The following OCA2 variants were observed in gnomAD, a reference collection of about 807,000 sequenced individuals.
OCA2 encodes OCA2 melanosomal transmembrane protein.
A neutral mutation model predicts 100.2 loss-of-function variants in OCA2; 77 were observed. That is an observed-to-expected ratio of 0.77 (90% CI 0.64 to 0.93). The LOEUF is 0.93. OCA2 is among the 40% of genes least tolerant of loss of function. The probability of loss-of-function intolerance (pLI) is 0.00; values close to 1 mark genes in which losing one functional copy is unlikely to be tolerated. For missense variants in OCA2, 1,062 were observed against 1,089.1 expected, an observed-to-expected ratio of 0.98 and a Z score of 0.35; for synonymous variants, 432 against 439.2, an observed-to-expected ratio of 0.98 and a Z score of 0.21.
chr15:28,060,525 G>A (rs1375456804), intron 2 of OCA2, among the ~76,000 whole-genome samples: 1 of 152,202 alleles, frequency 6.6e-6, no homozygotes, highest in Non-Finnish European at 1.5e-5. Flanking sequence ...ATCAAAGGAA[G>A]ACGAGGTAAC....
chr15:27,754,924 C>G lies in OCA2; in HGVS notation c.*464G>C, dbSNP rs1278420429. On this transcript the variant is annotated 3_prime_UTR_variant, in exon 24 of 24. Coordinates refer to ENST00000354638, the MANE Select transcript of OCA2 (RefSeq NM_000275.3). ...AATACATAAAATGTTTCCTTACGAG[C>G]AGTAAACCTTTTCCCAGAAAGTCTA... 2 of 201,030 alleles carry G rather than the reference C, an allele frequency of 9.9e-6. No individual in the cohort carries two copies. The highest frequency in any genetic ancestry group is 4.6e-5 in the African/African-American group (2 of 43,838). 12.5% of individuals were successfully genotyped at this position (201,030 alleles called of 1,614,324 possible).
At chr15:27,845,148 G>T in intron 22 of OCA2, 96 bp from the exon 23 acceptor site, 1 of 927,580 alleles carries the variant, frequency 1.1e-6, no homozygotes, top group South Asian at 1.4e-5. Flanking sequence ...CACAGGCTTT[G>T]ATTTGATTAT....
chr15:28,041,946 C>T (rs1435585758), intron 2 of OCA2, among the ~76,000 whole-genome samples: 2 of 152,026 alleles, frequency 1.3e-5, no homozygotes, highest in Non-Finnish European at 2.9e-5. Context: ...GAGAGGCATG[C>T]GTACACATAC....
chr15:27,877,387 T>C (rs764482106), intron 19 of OCA2, among the ~76,000 whole-genome samples: 9 of 151,954 alleles, frequency 5.9e-5, no homozygotes, highest in South Asian at 2.1e-4. Flanking sequence ...TTCCTGATTT[T>C]TTTTTGTCTA....
At chr15:27,914,937 G>C (rs1007968463) in intron 19 of OCA2, among the ~76,000 whole-genome samples, 1 of 152,098 alleles carries the variant, frequency 6.6e-6, no homozygotes, top group South Asian at 2.1e-4. Flanking sequence ...CAAAGCTGGA[G>C]GCATCACATT....
rs1595477343 is a variant in OCA2, at chr15:27,828,079, T to C, written c.2432+16880A>G. Among the ~76,000 whole-genome samples, 3 of 152,260 alleles carry C rather than the reference T, an allele frequency of 2.0e-5. No individual in the cohort carries two copies. In the East Asian group the frequency reaches 5.8e-4, roughly 29 times the overall value. Reference sequence around the variant, plus strand: ...TGGCAGAGTAGAAAATTAACTTGAGTACAGGTGAAGTGAGGTTGGAGCACC... The same window carrying C: ...TGGCAGAGTAGAAAATTAACTTGAGCACAGGTGAAGTGAGGTTGGAGCACC... On this transcript the variant is annotated intron_variant, in intron 23 of 23. Transcript: ENST00000354638.
At chr15:27,888,759 T>C (rs1272896827) in intron 19 of OCA2, among the ~76,000 whole-genome samples, 2 of 152,194 alleles carry the variant, frequency 1.3e-5, no homozygotes, top group Non-Finnish European at 2.9e-5. Context: ...TGTGTGTGTA[T>C]ACATATATAT....
chr15:28,054,716 G>A (rs377151694), intron 2 of OCA2, among the ~76,000 whole-genome samples: 14 of 152,210 alleles, frequency 9.2e-5, no homozygotes, highest in East Asian at 5.8e-4. Flanking sequence ...GCAACTTTTT[G>A]TTACTGTATT....
At chr15:27,917,221 A>G (rs2038698264) in intron 19 of OCA2, among the ~76,000 whole-genome samples, 1 of 152,196 alleles carries the variant, frequency 6.6e-6, no homozygotes, top group East Asian at 1.9e-4. Context: ...AATAGGCTAT[A>G]GCACTTTTTG....
chr15:28,039,574 G>A (rs56037930), intron 2 of OCA2, among the ~76,000 whole-genome samples: 7,612 of 152,320 alleles, frequency 0.05, 268 homozygotes, highest in Middle Eastern at 0.1. Flanking sequence ...GAAAACACCT[G>A]TTATGGGCTG....
chr15:27,982,016 C>G (rs933876853), intron 14 of OCA2, among the ~76,000 whole-genome samples: 1 of 152,184 alleles, frequency 6.6e-6, no homozygotes, highest in African/African-American at 2.4e-5. Context: ...GCCTGTTATC[C>G]AGTGACTTGG....
intron 23 of OCA2, among the ~76,000 whole-genome samples, chr15:27,824,615 T>TATATATATAC (rs1454164189): frequency 7.8e-6 from 1 of 128,620 alleles, no homozygotes; most frequent in South Asian, 2.6e-4. Flanking sequence ...TATATATATA[T>TATATATATAC]ATATATAATA....
At chr15:28,020,029 C>G (rs1052320571) in intron 6 of OCA2, among the ~76,000 whole-genome samples, 1 of 152,178 alleles carries the variant, frequency 6.6e-6, no homozygotes. Context: ...ACCCGTCTTC[C>G]CCCCTGCGGC....
At chr15:27,946,180 T>TA (rs1055151635) in intron 18 of OCA2, among the ~76,000 whole-genome samples, 39 of 152,166 alleles carry the variant, frequency 2.6e-4, no homozygotes, top group Middle Eastern at 3.4e-3. Context: ...CTAAAACACA[T>TA]AAAAAAATCT....
chr15:27,936,450 A>C (rs1378203962), intron 18 of OCA2, among the ~76,000 whole-genome samples: 1 of 152,222 alleles, frequency 6.6e-6, no homozygotes, highest in African/African-American at 2.4e-5. Context: ...GAAAACTCCC[A>C]TTCTTTCTAG....
intron 18 of OCA2, among the ~76,000 whole-genome samples, chr15:27,949,238 G>A (rs998255807): frequency 2.6e-5 from 4 of 152,142 alleles, no homozygotes; most frequent in South Asian, 2.1e-4. Context: ...ATAATGTCAC[G>A]TAGTGTACAG....
chr15:27,784,428 C>A (rs1363374485), intron 23 of OCA2, among the ~76,000 whole-genome samples: 2 of 152,122 alleles, frequency 1.3e-5, no homozygotes, highest in African/African-American at 4.8e-5. Flanking sequence ...TGAATATTTG[C>A]CTTTGTACTA....
chr15:27,748,092 C>G, the OCA2 span, among the ~76,000 whole-genome samples: 12 of 152,300 alleles, frequency 7.9e-5, no homozygotes, highest in South Asian at 2.1e-3. Flanking sequence ...TCAAGCTGAA[C>G]ACGAGTCCCA....
intron 16 of OCA2, among the ~76,000 whole-genome samples, chr15:27,955,535 CTT>C (rs1350755248): frequency 6.6e-6 from 1 of 152,210 alleles, no homozygotes; most frequent in Non-Finnish European, 1.5e-5. Flanking sequence ...CCGTCAGTCT[CTT>C]TATTTTCCTC....
Sources: gnomAD v4.1 joint callset for allele counts (sites outside exome capture counted in the v4.1 genomes callset) on GRCh38, gnomAD v4.1.1 for gene constraint, MANE v1.5 for transcripts, NCBI Gene and HGNC (gene_info 2026-07-23, HGNC 2026-07-21) for gene names.